Variants in DYNC2H1 observed in about 807,000 individuals in gnomAD.
The protein encoded by DYNC2H1 is cytoplasmic dynein 2 heavy chain 1.
DYNC2H1 carries 410 observed loss-of-function variants against 570.0 expected under a neutral mutation model. The ratio of observed to expected loss-of-function variants is 0.72; its 90% CI spans 0.66 to 0.78. DYNC2H1 has a LOEUF of 0.78. Among genes scored for constraint, DYNC2H1 ranks in the 30% least tolerant of loss-of-function variants. DYNC2H1 has a pLI of 0.00. For missense variants in DYNC2H1, 4,865 were observed against 5,046.4 expected (o/e 0.96, Z 1.09); for synonymous variants, 1,688 against 1,677.6 (o/e 1.01, Z -0.15).
chr11:103,164,477 T>G (rs1861218706), intron 30 of DYNC2H1, among the ~76,000 whole-genome samples: 2 of 152,214 alleles, frequency 1.3e-5, no homozygotes, highest in Non-Finnish European at 2.9e-5. Flanking sequence ...GTACTGATAA[T>G]TCAGTTACTT....
rs1861842713 is a variant in DYNC2H1, at chr11:103,181,381, C to T, written c.6348-376C>T. Among the ~76,000 whole-genome samples, 1 of 151,568 alleles carries T rather than the reference C, an allele frequency of 6.6e-6. No individual in the cohort carries two copies. The highest frequency in any genetic ancestry group is 2.4e-5 in the African/African-American group (1 of 41,446). On this transcript the variant is annotated intron_variant, in intron 39 of 88. Transcript: ENST00000375735. The surrounding 1 kb of genome is among the most constrained non-coding windows in gnomAD (Gnocchi z 5.0). The stretch of plus-strand genomic sequence containing the variant: ...TTGGGATTTTACATTTCTAACAGAC[C>T]ACTCTGAGTAGGAATGGTTGAGACC...
At chr11:103,184,852 A>T (rs746329488) in intron 40 of DYNC2H1, 44 bp from the exon 41 acceptor site, 1 of 1,605,400 alleles carries the variant, frequency 6.2e-7, no homozygotes, top group African/African-American at 1.3e-5. Flanking sequence ...TTACTGGTTA[A>T]TAGTTGCCTT....
chr11:103,196,519 A>T (rs1307836087), intron 47 of DYNC2H1, among the ~76,000 whole-genome samples: 1 of 152,174 alleles, frequency 6.6e-6, no homozygotes, highest in African/African-American at 2.4e-5. Context: ...CTAGCCCAGA[A>T]CATAGGAGTT....
At position 103,145,461 on chromosome 11, in the gene DYNC2H1, G is replaced by T. The variant is rs1350301856; in HGVS notation, c.2702+2066G>T. 6.6e-6 allele frequency among the ~76,000 whole-genome samples: 1 copy of T among 151,962 alleles called. No homozygotes were observed. The highest frequency in any genetic ancestry group is 2.4e-5 in the African/African-American group (1 of 41,372). ...TCTTGCCCATCTTCTTTGACTTAATGCTGTCACCTGACTGCCTAAGAACCT... is the reference window on the plus strand; with the variant it reads ...TCTTGCCCATCTTCTTTGACTTAATTCTGTCACCTGACTGCCTAAGAACCT... On this transcript the variant is annotated intron_variant, in intron 18 of 88. Coordinates refer to ENST00000375735, the MANE Select transcript of DYNC2H1 (RefSeq NM_001377.3). The surrounding 1 kb of genome is among the most constrained non-coding windows in gnomAD (Gnocchi z 4.2).
At chr11:103,342,879 C>T (rs1179176330) in intron 82 of DYNC2H1, among the ~76,000 whole-genome samples, 1 of 152,110 alleles carries the variant, frequency 6.6e-6, no homozygotes. Context: ...GGAACCAACT[C>T]CAGACATATC....
At chr11:103,318,884 A>G (rs1035849315) in intron 80 of DYNC2H1, among the ~76,000 whole-genome samples, 60 of 152,152 alleles carry the variant, frequency 3.9e-4, no homozygotes, top group African/African-American at 1.3e-3. Context: ...ACTCCTTTCT[A>G]CCTATGACCC....
In DYNC2H1 at chr11:103,157,513, T is replaced by C. The variant is rs1860891453; in HGVS notation, c.4127+743T>C. 6.6e-6 allele frequency among the ~76,000 whole-genome samples: 1 copy of C among 152,260 alleles called. No homozygotes were observed. Among genetic ancestry groups the C allele is most frequent in the South Asian group, 2.1e-4 (1 of 4,836 alleles). On this transcript the variant is annotated intron_variant, in intron 26 of 88. Coordinates refer to ENST00000375735, the MANE Select transcript of DYNC2H1 (RefSeq NM_001377.3). This position sits in a 1 kb window ranked among gnomAD's most constrained non-coding sequence, Gnocchi z 4.2. ...TGAAAGCAGAGACATGATGGATAACTTTGATATCTCCCTCTTCCTCCACTT... is the reference window on the plus strand; with the variant it reads ...TGAAAGCAGAGACATGATGGATAACCTTGATATCTCCCTCTTCCTCCACTT...
At chr11:103,473,289 T>A in intron 88 of DYNC2H1, among the ~76,000 whole-genome samples, 1 of 99,968 alleles carries the variant, frequency 1.0e-5, no homozygotes, top group East Asian at 3.1e-4. Flanking sequence ...GAAACAGATT[T>A]TTTTTTTTTT....
intron 26 of DYNC2H1, among the ~76,000 whole-genome samples, chr11:103,158,243 C>T (rs1157212575): frequency 1.1e-4 from 16 of 152,174 alleles, no homozygotes; most frequent in Admixed American, 7.2e-4. Context: ...GTCAGGAGAT[C>T]GAGACCATCG....
Position 103,158,715 on chromosome 11 carries a change from C to A in DYNC2H1, c.4166C>A (p.Thr1389Lys). The A allele has an allele frequency of 6.5e-7, 1 of 1,530,252 alleles. No homozygotes were observed. The highest frequency in any genetic ancestry group is 8.8e-7 in the Non-Finnish European group (1 of 1,130,294). 94.8% of individuals were successfully genotyped at this position (1,530,252 alleles called of 1,614,324 possible). A position where few individuals can be genotyped will look rare whatever the true frequency, so the allele number is the denominator to read the frequency against. The stretch of plus-strand genomic sequence containing the variant: ...GATATCAAGAAAGACAATAGAGTCA[C>A]AACATTAACTACTCATGCTGGAATA... The part of the protein sequence containing the change: ...MTDIKKDNRV[T>K]TLTTHAGIRN... Residue 1389 changes from threonine (T) to lysine (K), a missense_variant, in exon 27 of 89, where the codon ACA becomes AAA. By Grantham distance (78) the Thr-to-Lys change is moderately conservative (BLOSUM62 -1). Around this residue, in one of 5 missense-constraint regions of DYNC2H1, gnomAD observed 1,936 missense variants for 1,962.1 expected, o/e 0.99. Coordinates refer to ENST00000375735, the MANE Select transcript of DYNC2H1 (RefSeq NM_001377.3).
chr11:103,208,289 G>A (rs150771538), intron 52 of DYNC2H1, among the ~76,000 whole-genome samples: 6 of 152,132 alleles, frequency 3.9e-5, no homozygotes, highest in Admixed American at 2.6e-4. Flanking sequence ...GAGTGACAGT[G>A]AGCCAAGAGC....
chr11:103,398,008 G>A (rs750533121), intron 83 of DYNC2H1, among the ~76,000 whole-genome samples: 8 of 152,150 alleles, frequency 5.3e-5, no homozygotes, highest in African/African-American at 9.7e-5. Context: ...TTAAGTGACA[G>A]TGCAAACAAT....
intron 88 of DYNC2H1, among the ~76,000 whole-genome samples, chr11:103,470,885 T>A (rs892025838): frequency 2.0e-5 from 3 of 152,236 alleles, no homozygotes; most frequent in Non-Finnish European, 4.4e-5. Context: ...TACGTGTGCA[T>A]GTGTCTTTAT....
In DYNC2H1 at chr11:103,220,696, G is replaced by A. The variant is rs1261435614; in HGVS notation, c.9020G>A (p.Arg3007His). The change falls in exon 57 of 89, where the codon CGC (arginine) becomes CAC (histidine). Residue 3007 changes from arginine to histidine, a missense_variant. This residue lies in a region of DYNC2H1 where 2,401 missense variants were observed against 2,454.6 expected (regional missense o/e 0.98). Coordinates refer to ENST00000375735, the MANE Select transcript of DYNC2H1 (RefSeq NM_001377.3). ...TCACTTTCAGAAATTCGCTCACTAC[G>A]CATGCCACCTGATGTAATTAGAGAT... ...PESLSEIRSL[R>H]MPPDVIRDIL... 6 of 1,612,876 alleles carry A rather than the reference G, an allele frequency of 3.7e-6. No individual in the cohort carries two copies. The highest frequency in any genetic ancestry group is 4.2e-6 in the Non-Finnish European group (5 of 1,179,290).
At chr11:103,353,684 A>G (rs1940162882) in intron 82 of DYNC2H1, among the ~76,000 whole-genome samples, 1 of 152,066 alleles carries the variant, frequency 6.6e-6, no homozygotes, top group Non-Finnish European at 1.5e-5. Flanking sequence ...AAAAAGGGTT[A>G]CCTTTTTCAT....
rs1157754488 is a variant in DYNC2H1 at position 103,275,440 on chromosome 11, A to G, written c.10696-4908A>G. Among the ~76,000 whole-genome samples the G allele has an allele frequency of 2.0e-5, 3 of 152,194 alleles. No homozygotes were observed. Among genetic ancestry groups the G allele is most frequent in the Non-Finnish European group, 4.4e-5 (3 of 68,032 alleles). ...TGAGAAATTTAAATGACATGTGTTC[A>G]CCATTCTAGTATCTTACAGAGTAGT... On this transcript the variant is annotated intron_variant, in intron 70 of 88. Coordinates refer to ENST00000375735, the MANE Select transcript of DYNC2H1 (RefSeq NM_001377.3). This position sits in a 1 kb window ranked among gnomAD's most constrained non-coding sequence, Gnocchi z 4.8.
chr11:103,180,878 A>G (rs1861824868), intron 39 of DYNC2H1, among the ~76,000 whole-genome samples: 1 of 151,564 alleles, frequency 6.6e-6, no homozygotes, highest in Admixed American at 6.6e-5. Flanking sequence ...AATTTTTTTC[A>G]TATTAGACTG....
At chr11:103,193,666 C>G (rs1862406766) in intron 47 of DYNC2H1, among the ~76,000 whole-genome samples, 1 of 151,966 alleles carries the variant, frequency 6.6e-6, no homozygotes, top group Non-Finnish European at 1.5e-5. Context: ...GCCTCAGCCT[C>G]CCGAGTAGCT....
At position 103,455,496 on chromosome 11, in the gene DYNC2H1, A is replaced by G. The variant is rs1591783626; in HGVS notation, c.12566+201A>G. On this transcript the variant is annotated intron_variant, in intron 86 of 88. Coordinates refer to ENST00000375735, the MANE Select transcript of DYNC2H1 (RefSeq NM_001377.3). The stretch of plus-strand genomic sequence containing the variant: ...ATTGCTTTTAATGATGATATGTTTT[A>G]TTCAAATTTAAAAAGATAAAATGTA... Among the ~76,000 whole-genome samples, 2 of 152,154 alleles carry G rather than the reference A, an allele frequency of 1.3e-5. 1 individual carries two copies. Among genetic ancestry groups the G allele is most frequent in the South Asian group, 4.1e-4 (2 of 4,834 alleles).
Sources: allele counts gnomAD v4.1 joint callset (sites outside exome capture counted in the v4.1 genomes callset), GRCh38; gene constraint gnomAD v4.1.1; regional missense constraint gnomAD v4.1.1; non-coding constraint Gnocchi (gnomAD v3.1); transcripts MANE v1.5; gene names NCBI Gene and HGNC (gene_info 2026-07-23, HGNC 2026-07-21).